CORO1C: variants seen among roughly 807,000 people sequenced by gnomAD.
CORO1C encodes the protein coronin-1C.
A neutral mutation model predicts 51.2 loss-of-function variants in CORO1C; 14 were observed. The observed-to-expected ratio is 0.27, with a 90% CI of 0.18 to 0.43. CORO1C has a LOEUF of 0.43. CORO1C is among the 20% of genes least tolerant of loss of function. The pLI is 1.00. For synonymous variants in CORO1C, 181 were observed against 210.5 expected, an observed-to-expected ratio of 0.86 and a Z score of 1.21; for missense variants, 417 against 607.8, an observed-to-expected ratio of 0.69 and a Z score of 3.30.
intron 3 of CORO1C, among the ~76,000 whole-genome samples, chr12:108,677,399 C>T (rs1327049069): frequency 6.6e-6 from 1 of 152,220 alleles, no homozygotes; most frequent in Non-Finnish European, 1.5e-5. Context: ...ATGTAAAGTA[C>T]TTAATTCACC....
Position 108,701,121 on chromosome 12 carries a change from T to C in CORO1C, c.195+3A>G. ...TACCAGAATGGAAGATCAAATTACC[T>C]ACCTTGTGCAGAGGGAGGACAAGGA... On this transcript the variant is annotated splice_donor_region_variant and intron_variant, in intron 2 of 10. Transcript: ENST00000261401. 1.2e-6 allele frequency: 2 copies of C among 1,614,122 alleles called. No individual in the cohort carries two copies. The highest frequency in any genetic ancestry group is 1.7e-6 in the Non-Finnish European group (2 of 1,179,978).
chr12:108,729,729 T>C (rs769358701), intron 1 of CORO1C, among the ~76,000 whole-genome samples: 22 of 152,222 alleles, frequency 1.4e-4, no homozygotes, highest in Non-Finnish European at 2.5e-4. Context: ...TCATCTGAAA[T>C]GTATAGAACC....
intron 8 of CORO1C, among the ~76,000 whole-genome samples, chr12:108,650,871 G>C (rs917355757): frequency 1.3e-5 from 2 of 152,026 alleles, no homozygotes; most frequent in African/African-American, 4.8e-5. Context: ...TGATTAGTTT[G>C]GTTTAAACCA....
chr12:108,686,751 C>T (rs1407662795), intron 2 of CORO1C, among the ~76,000 whole-genome samples: 1 of 152,216 alleles, frequency 6.6e-6, no homozygotes, highest in African/African-American at 2.4e-5. Context: ...AAAGGCTCTG[C>T]TCCAGAGCCA....
At position 108,731,421 on chromosome 12, in the gene CORO1C, C is replaced by T; in HGVS notation, c.-6+8G>A. The T allele has an allele frequency of 6.5e-6, 1 of 152,882 alleles. No individual in the cohort carries two copies. Among genetic ancestry groups the T allele is most frequent in the Non-Finnish European group, 1.5e-5 (1 of 68,620 alleles). 9.5% of individuals were successfully genotyped at this position (152,882 alleles called of 1,614,324 possible). On this transcript the variant is annotated splice_region_variant and intron_variant, in intron 1 of 10. Transcript: ENST00000261401. The surrounding 1 kb of genome is among the most constrained non-coding windows in gnomAD (Gnocchi z 5.2). Reference sequence around the variant, plus strand: ...TCAGGCTGCCCCCGCCGGGCGCGAGCCGCTCACCCGGGCCGAGGTGCCTGA... The same window carrying T: ...TCAGGCTGCCCCCGCCGGGCGCGAGTCGCTCACCCGGGCCGAGGTGCCTGA...
In CORO1C at chr12:108,661,875, T is replaced by TG. The variant is rs2136812289; in HGVS notation, c.448+153dup. The TG allele has an allele frequency of 8.1e-6, 6 of 738,318 alleles. No homozygotes were observed. The South Asian group carries it at 1.1e-4, about 13-fold the overall frequency. The allele number at this position is 738,318 out of a possible 1,614,324, so 45.7% of individuals were successfully genotyped here. A position where few individuals can be genotyped will look rare whatever the true frequency, so the allele number is the denominator to read the frequency against. ...CACACACACAAGTATGTATGTGGGC[T>TG]GGGGGAGCAGTGCACCCCAATACTC... is the stretch of plus-strand genomic sequence containing the variant. On this transcript the variant is annotated intron_variant, in intron 4 of 10. Transcript: ENST00000261401.
intron 2 of CORO1C, among the ~76,000 whole-genome samples, chr12:108,681,949 T>C (rs1258573331): frequency 6.6e-6 from 1 of 151,692 alleles, no homozygotes; most frequent in Non-Finnish European, 1.5e-5. Context: ...AAAAGGCATA[T>C]GATCAGACTT....
At chr12:108,656,153 CGTCTG>C (rs1316431089) in intron 6 of CORO1C, among the ~76,000 whole-genome samples, 14 of 58,934 alleles carry the variant, frequency 2.4e-4, no homozygotes, top group South Asian at 2.3e-3. Flanking sequence ...GCAGCCGCCC[CGTCTG>C]AGAAGTGAGG....
At chr12:108,726,667 A>G (rs76489124) in intron 1 of CORO1C, among the ~76,000 whole-genome samples, 15,860 of 151,600 alleles carry the variant, frequency 0.1, 1,095 homozygotes, top group Non-Finnish European at 0.15. Context: ...AAAAAAAAAA[A>G]AAGAATGAAA....
chr12:108,711,874 CT>C (rs1472856418), intron 1 of CORO1C, among the ~76,000 whole-genome samples: 3 of 152,056 alleles, frequency 2.0e-5, no homozygotes, highest in Non-Finnish European at 4.4e-5. Context: ...GACATTTTTC[CT>C]GTTTATTGAA....
intron 3 of CORO1C, among the ~76,000 whole-genome samples, chr12:108,665,681 G>A (rs1192833938): frequency 1.3e-5 from 2 of 152,294 alleles, no homozygotes; most frequent in Non-Finnish European, 2.9e-5. Flanking sequence ...CTATGCCTGC[G>A]AGGTGTGCTA....
intron 2 of CORO1C, among the ~76,000 whole-genome samples, chr12:108,690,695 G>A (rs2136850357): frequency 6.6e-6 from 1 of 152,294 alleles, no homozygotes. Context: ...AAAACCTAAT[G>A]CTTTCTGCTC....
chr12:108,691,200 CA>C (rs145732864), intron 2 of CORO1C, among the ~76,000 whole-genome samples: 8,757 of 152,236 alleles, frequency 0.058, 510 homozygotes, highest in East Asian at 0.32. Context: ...AAATGAAACC[CA>C]AGTCACCGTT....
chr12:108,712,627 T>C (rs569726295), intron 1 of CORO1C, among the ~76,000 whole-genome samples: 5 of 140,912 alleles, frequency 3.5e-5, no homozygotes, highest in South Asian at 2.3e-4. Flanking sequence ...TAAGCCTACA[T>C]AGAATACACA....
intron 3 of CORO1C, among the ~76,000 whole-genome samples, chr12:108,675,807 G>A (rs558551729): frequency 2.0e-5 from 3 of 152,158 alleles, no homozygotes; most frequent in South Asian, 2.1e-4. Context: ...GCTTCCTAGC[G>A]TATGGAAGAA....
At chr12:108,672,424 A>G (rs777110097) in intron 3 of CORO1C, among the ~76,000 whole-genome samples, 10 of 152,196 alleles carry the variant, frequency 6.6e-5, no homozygotes, top group Admixed American at 2.0e-4. Flanking sequence ...TTTCAGTATC[A>G]TGGTATGGTG....
intron 3 of CORO1C, among the ~76,000 whole-genome samples, chr12:108,677,715 T>G (rs2033957304): frequency 6.6e-6 from 1 of 152,162 alleles, no homozygotes; most frequent in South Asian, 2.1e-4. Flanking sequence ...AGAGAACATG[T>G]CAACTGTCAA....
intron 2 of CORO1C, among the ~76,000 whole-genome samples, chr12:108,697,691 G>A (rs1034572725): frequency 1.3e-5 from 2 of 152,068 alleles, no homozygotes; most frequent in Admixed American, 1.3e-4. Flanking sequence ...TTTCTTCTTC[G>A]AGGCTGTACT....
At chr12:108,650,631 G>A (rs2136793099) in intron 8 of CORO1C, among the ~76,000 whole-genome samples, 2 of 152,210 alleles carry the variant, frequency 1.3e-5, no homozygotes, top group Admixed American at 1.3e-4. Context: ...CATAAAATGG[G>A]GATAAAAGTT....
Sources: allele counts gnomAD v4.1 joint callset (sites outside exome capture counted in the v4.1 genomes callset), GRCh38; gene constraint gnomAD v4.1.1; non-coding constraint Gnocchi (gnomAD v3.1); transcripts MANE v1.5; gene names NCBI Gene and HGNC (gene_info 2026-07-23, HGNC 2026-07-21).